Variants in ARFIP1 observed in about 807,000 individuals in gnomAD.
ARFIP1 encodes the protein ARF interacting protein 1.
ARFIP1 carries 24 observed loss-of-function variants against 42.5 expected under a neutral mutation model. The ratio of observed to expected loss-of-function variants is 0.57; its 90% CI spans 0.41 to 0.80. ARFIP1 has a LOEUF of 0.80. Ranked by LOEUF, ARFIP1 falls within the 30% of genes least tolerant of loss-of-function variation. The pLI, the probability that ARFIP1 is intolerant of heterozygous loss-of-function variation, is 0.00. For synonymous variants in ARFIP1, 141 were observed against 153.7 expected (o/e 0.92, Z 0.61); for missense variants, 354 against 434.0 (o/e 0.82, Z 1.64).
intron 2 of ARFIP1, among the ~76,000 whole-genome samples, chr4:152,841,282 C>G (rs895029470): frequency 2.6e-5 from 4 of 152,156 alleles, no homozygotes; most frequent in South Asian, 4.1e-4. Context: ...GATCCGCCCC[C>G]CTCAGCCTCC....
At chr4:152,826,270 A>G (rs914191364) in intron 1 of ARFIP1, among the ~76,000 whole-genome samples, 3 of 152,214 alleles carry the variant, frequency 2.0e-5, no homozygotes, top group Admixed American at 6.5e-5. Flanking sequence ...TATATATACC[A>G]TGGAATACTA....
chr4:152,889,498 C>CATATATATATAT (rs71595203), intron 8 of ARFIP1, among the ~76,000 whole-genome samples: 10 of 42,778 alleles, frequency 2.3e-4, no homozygotes, highest in African/African-American at 3.4e-4. Flanking sequence ...TCATTTTAGT[C>CATATATATATAT]ATATATATAT....
chr4:152,861,679 T>A (rs1733906776), intron 2 of ARFIP1, among the ~76,000 whole-genome samples: 1 of 152,206 alleles, frequency 6.6e-6, no homozygotes. Context: ...AGATTAAATC[T>A]TCTTGGCTAG....
chr4:152,782,073 C>T (rs1730533217), intron 1 of ARFIP1, among the ~76,000 whole-genome samples: 1 of 151,046 alleles, frequency 6.6e-6, no homozygotes, highest in African/African-American at 2.5e-5. Flanking sequence ...TGTGTGTTTT[C>T]CACTTAGGCA....
At chr4:152,849,199 A>G (rs1415570590) in intron 2 of ARFIP1, among the ~76,000 whole-genome samples, 1 of 152,194 alleles carries the variant, frequency 6.6e-6, no homozygotes, top group Non-Finnish European at 1.5e-5. Context: ...TCATAATGAA[A>G]GGTTGAAGGC....
intron 1 of ARFIP1, among the ~76,000 whole-genome samples, chr4:152,814,142 T>G (rs1578854637): frequency 6.7e-6 from 1 of 148,270 alleles, no homozygotes; most frequent in African/African-American, 2.5e-5. Context: ...CAGGCTGGAG[T>G]GCAGGGACAT....
intron 8 of ARFIP1, among the ~76,000 whole-genome samples, chr4:152,903,101 G>T (rs1416214776): frequency 1.3e-5 from 2 of 152,022 alleles, no homozygotes; most frequent in African/African-American, 4.8e-5. Flanking sequence ...ATGTTCTGAG[G>T]ATTCTCTGTA....
chr4:152,855,314 C>T lies in ARFIP1; in HGVS notation c.94-8292C>T, dbSNP rs184820802. Among the ~76,000 whole-genome samples the T allele has an allele frequency of 3.9e-5, 6 of 152,210 alleles. No homozygotes were observed. The East Asian group carries it at 1.2e-3, about 29-fold the overall frequency. ...GGGAAGCCAGGTTGGGTAGGCATGT[C>T]CTCAGGCCCCCCATGGTGTGTACAG... On this transcript the variant is annotated intron_variant, in intron 2 of 8. Coordinates refer to ENST00000353617, the MANE Select transcript of ARFIP1 (RefSeq NM_001025595.3).
intron 1 of ARFIP1, among the ~76,000 whole-genome samples, chr4:152,794,095 C>G (rs1731289338): frequency 1.3e-5 from 2 of 152,056 alleles, no homozygotes; most frequent in South Asian, 4.1e-4. Context: ...ACCCCATTTC[C>G]CCTAATGCTA....
intron 2 of ARFIP1, among the ~76,000 whole-genome samples, chr4:152,860,106 A>G (rs1330857869): frequency 2.0e-5 from 3 of 152,156 alleles, no homozygotes; most frequent in Non-Finnish European, 4.4e-5. Context: ...CTATTTAAAA[A>G]TTGGGATGAA....
At chr4:152,864,655 C>T (rs1447063743) in intron 3 of ARFIP1, among the ~76,000 whole-genome samples, 1 of 152,198 alleles carries the variant, frequency 6.6e-6, no homozygotes, top group Non-Finnish European at 1.5e-5. Flanking sequence ...AGATTCTAGA[C>T]TTCCAGAAGG....
At chr4:152,895,889 A>G (rs796771017) in intron 8 of ARFIP1, among the ~76,000 whole-genome samples, 10 of 152,212 alleles carry the variant, frequency 6.6e-5, no homozygotes, top group African/African-American at 2.4e-4. Flanking sequence ...TATGCCAGTC[A>G]CTGAGTTAGG....
chr4:152,781,234 C>CTTTTTTTTTTTTTT (rs535397594), intron 1 of ARFIP1, among the ~76,000 whole-genome samples: 17 of 118,914 alleles, frequency 1.4e-4, no homozygotes, highest in South Asian at 2.7e-4. Context: ...TTTCTTTTTT[C>CTTTTTTTTTTTTTT]TTTTTTTTTT....
At chr4:152,872,909 A>G (rs1212553539) in intron 5 of ARFIP1, among the ~76,000 whole-genome samples, 1 of 152,180 alleles carries the variant, frequency 6.6e-6, no homozygotes, top group Admixed American at 6.5e-5. Flanking sequence ...CTGAAGGTGA[A>G]GAGAGGTATA....
intron 1 of ARFIP1, among the ~76,000 whole-genome samples, chr4:152,823,087 A>G (rs1730522018): frequency 6.6e-6 from 1 of 152,224 alleles, no homozygotes; most frequent in Non-Finnish European, 1.5e-5. Context: ...AAAAAATACA[A>G]AATATCAGTG....
chr4:152,822,667 A>AT (rs1730485522), intron 1 of ARFIP1, among the ~76,000 whole-genome samples: 1 of 152,244 alleles, frequency 6.6e-6, no homozygotes, highest in Non-Finnish European at 1.5e-5. Context: ...ATAGGCCACA[A>AT]AACAAGTCTC....
intron 5 of ARFIP1, among the ~76,000 whole-genome samples, chr4:152,880,524 A>G (rs1735750344): frequency 6.6e-6 from 1 of 151,706 alleles, no homozygotes. Flanking sequence ...TTTATTCCTC[A>G]TTCATACACA....
intron 8 of ARFIP1, among the ~76,000 whole-genome samples, chr4:152,898,118 G>A (rs1286664873): frequency 6.6e-6 from 1 of 151,630 alleles, no homozygotes; most frequent in Non-Finnish European, 1.5e-5. Context: ...GAGTGGCTGG[G>A]ATTACAGGCG....
intron 1 of ARFIP1, among the ~76,000 whole-genome samples, chr4:152,794,844 A>G (rs771149148): frequency 7.9e-5 from 12 of 152,056 alleles, no homozygotes; most frequent in Non-Finnish European, 1.6e-4. Flanking sequence ...ATCTAGTACT[A>G]TCATTTATTT....
Sources: gnomAD v4.1 joint callset for allele counts (sites outside exome capture counted in the v4.1 genomes callset) on GRCh38, gnomAD v4.1.1 for gene constraint, MANE v1.5 for transcripts, NCBI Gene and HGNC (gene_info 2026-07-23, HGNC 2026-07-21) for gene names.